GSG1L: variants seen among roughly 807,000 people sequenced by gnomAD.
GSG1L encodes germ cell-specific gene 1-like protein.
In GSG1L, 24 loss-of-function variants were observed where a neutral mutation model predicts 42.1. That is an observed-to-expected ratio of 0.57 (90% confidence interval 0.41 to 0.80). GSG1L has a LOEUF of 0.80. GSG1L is among the 30% of genes least tolerant of loss of function. GSG1L has a pLI of 0.00. For synonymous variants in GSG1L, 215 were observed against 203.5 expected, an observed-to-expected ratio of 1.06 and a Z score of -0.48; for missense variants, 445 against 472.2, an observed-to-expected ratio of 0.94 and a Z score of 0.53.
chr16:28,007,806 A>G (rs569773017), intron 1 of GSG1L, among the ~76,000 whole-genome samples: 1 of 152,074 alleles, frequency 6.6e-6, no homozygotes, highest in Non-Finnish European at 1.5e-5. Flanking sequence ...TTGAGCCACC[A>G]TGCCCAGCCT....
In GSG1L at chr16:27,850,023, C is replaced by CTTTTTTTTTTTT. The variant is rs57543425; in HGVS notation, c.551-4974_551-4963dup. Among the ~76,000 whole-genome samples, 59 of 70,072 alleles carry CTTTTTTTTTTTT rather than the reference C, an allele frequency of 8.4e-4. 8 individuals carry two copies. Among genetic ancestry groups the CTTTTTTTTTTTT allele is most frequent in the Admixed American group, 1.1e-3 (5 of 4,390 alleles). 46.0% of individuals were successfully genotyped at this position (70,072 alleles called of 152,430 possible). A position where few individuals can be genotyped will look rare whatever the true frequency, so the allele number is the denominator to read the frequency against. ...TTTGTGCCATATTCATTTGAAATGCCTTTTTTTTTTTTTTTTTTTTTTGAG... is the reference window on the plus strand; with the variant it reads ...TTTGTGCCATATTCATTTGAAATGCCTTTTTTTTTTTTTTTTTTTTTTTTTTTTTTTTTTGAG... On this transcript the variant is annotated intron_variant, in intron 3 of 6. Coordinates refer to ENST00000447459, the MANE Select transcript of GSG1L (RefSeq NM_001109763.2).
At chr16:27,996,175 C>T (rs1046297677) in intron 1 of GSG1L, among the ~76,000 whole-genome samples, 1 of 152,156 alleles carries the variant, frequency 6.6e-6, no homozygotes, top group African/African-American at 2.4e-5. Flanking sequence ...CCTCTGGACT[C>T]CTTGCTTCCA....
intron 1 of GSG1L, among the ~76,000 whole-genome samples, chr16:28,056,834 G>T (rs2086284512): frequency 6.6e-6 from 1 of 152,116 alleles, no homozygotes; most frequent in Admixed American, 6.5e-5. Context: ...GTGATACGCA[G>T]TGGGTATGAC....
intron 1 of GSG1L, among the ~76,000 whole-genome samples, chr16:27,978,788 T>G (rs1793767359): frequency 6.6e-6 from 1 of 151,950 alleles, no homozygotes; most frequent in Admixed American, 6.6e-5. Context: ...ATATATTTGT[T>G]TGGTTGGGTT....
chr16:27,971,929 G>T (rs1374433913), intron 1 of GSG1L, among the ~76,000 whole-genome samples: 1 of 152,194 alleles, frequency 6.6e-6, no homozygotes. Context: ...AGCAAAGTGA[G>T]GGTCTGAACT....
intron 1 of GSG1L, among the ~76,000 whole-genome samples, chr16:27,985,321 G>A (rs745848479): frequency 2.0e-5 from 3 of 152,118 alleles, no homozygotes; most frequent in Non-Finnish European, 4.4e-5. Flanking sequence ...ATGGTAATGA[G>A]GGAGTTCTTG....
chr16:28,012,033 T>C (rs1342478657), intron 1 of GSG1L, among the ~76,000 whole-genome samples: 1 of 151,450 alleles, frequency 6.6e-6, no homozygotes, highest in Non-Finnish European at 1.5e-5. Context: ...ACTCTGAGAG[T>C]TCCCCTCAGC....
At chr16:28,050,808 G>C (rs1017786784) in intron 1 of GSG1L, among the ~76,000 whole-genome samples, 64 of 152,106 alleles carry the variant, frequency 4.2e-4, no homozygotes, top group Admixed American at 5.2e-4. Context: ...TCTGCAACTG[G>C]TGACATATAA....
chr16:27,959,279 G>A (rs1260101232), intron 2 of GSG1L, among the ~76,000 whole-genome samples: 5 of 147,110 alleles, frequency 3.4e-5, no homozygotes, highest in Admixed American at 1.4e-4. Context: ...GCAACATGAC[G>A]AAACCCCATC....
chr16:27,850,502 G>A (rs1389949379), intron 3 of GSG1L: 1 of 455,616 alleles, frequency 2.2e-6, no homozygotes, highest in Non-Finnish European at 4.4e-6. Context: ...GTAGGAAGAG[G>A]AGAGAGAAGG....
At chr16:27,896,444 C>T (rs1257634098) in intron 2 of GSG1L, among the ~76,000 whole-genome samples, 1 of 152,176 alleles carries the variant, frequency 6.6e-6, no homozygotes, top group Non-Finnish European at 1.5e-5. Context: ...GGATAAATAG[C>T]TAATGCACAT....
At chr16:27,883,333 G>A (rs1377400363) in intron 3 of GSG1L, among the ~76,000 whole-genome samples, 1 of 151,442 alleles carries the variant, frequency 6.6e-6, no homozygotes, top group East Asian at 1.9e-4. Flanking sequence ...TGGGGATGGG[G>A]TACATGGGGA....
chr16:28,008,125 G>C (rs1488003632), intron 1 of GSG1L, among the ~76,000 whole-genome samples: 1 of 152,048 alleles, frequency 6.6e-6, no homozygotes, highest in Non-Finnish European at 1.5e-5. Flanking sequence ...TGTCACCCAG[G>C]CTGGAGTGCA....
intron 1 of GSG1L, among the ~76,000 whole-genome samples, chr16:27,976,665 C>T (rs2085254138): frequency 6.6e-6 from 1 of 152,248 alleles, no homozygotes; most frequent in Non-Finnish European, 1.5e-5. Flanking sequence ...TGCCACGAGG[C>T]AGCAGACTTA....
chr16:27,890,667 G>C (rs1365968167), intron 2 of GSG1L, among the ~76,000 whole-genome samples: 2 of 152,208 alleles, frequency 1.3e-5, no homozygotes, highest in Non-Finnish European at 2.9e-5. Context: ...ATTCTTCACT[G>C]AGTGTGGAAC....
intron 2 of GSG1L, among the ~76,000 whole-genome samples, chr16:27,941,756 G>A (rs1349235173): frequency 6.6e-6 from 1 of 151,696 alleles, no homozygotes; most frequent in Non-Finnish European, 1.5e-5. Context: ...TTACATCCAT[G>A]CGATGGCATA....
intron 3 of GSG1L, among the ~76,000 whole-genome samples, chr16:27,847,094 A>T (rs998958382): frequency 6.7e-6 from 1 of 148,158 alleles, no homozygotes; most frequent in Non-Finnish European, 1.5e-5. Context: ...TGAATTAAAA[A>T]GAGACTTTTT....
intron 3 of GSG1L, among the ~76,000 whole-genome samples, chr16:27,878,376 T>G (rs2083913103): frequency 6.6e-6 from 1 of 152,158 alleles, no homozygotes; most frequent in Admixed American, 6.5e-5. Flanking sequence ...AGAATGAGTA[T>G]TGAGCAAAGT....
intron 2 of GSG1L, among the ~76,000 whole-genome samples, chr16:27,907,157 T>C (rs1226586401): frequency 6.6e-6 from 1 of 152,188 alleles, no homozygotes; most frequent in Admixed American, 6.5e-5. Context: ...GCGGTCCCTT[T>C]CCACTGGGAG....
Sources: gnomAD v4.1 joint callset for allele counts (sites outside exome capture counted in the v4.1 genomes callset) on GRCh38, gnomAD v4.1.1 for gene constraint, MANE v1.5 for transcripts, NCBI Gene and HGNC (gene_info 2026-07-23, HGNC 2026-07-21) for gene names.